ACVR1: variants seen among roughly 807,000 people sequenced by gnomAD.
ACVR1 encodes activin receptor type-1.
In ACVR1, 38 loss-of-function variants were observed where a neutral mutation model predicts 57.1. That is an observed-to-expected ratio of 0.67 (90% CI 0.51 to 0.87). The LOEUF is 0.87. ACVR1 is among the 40% of genes least tolerant of loss of function. The probability of loss-of-function intolerance (pLI) is 0.00; values close to 1 mark genes in which losing one functional copy is unlikely to be tolerated. For synonymous variants in ACVR1, 212 were observed against 228.1 expected (o/e 0.93, Z 0.63); for missense variants, 463 against 638.2 (o/e 0.73, Z 2.96).
rs1233626224 is a variant in ACVR1 at position 157,855,269 on chromosome 2, AGTGTGTGTG to A, written c.-183+20518_-183+20526del. Reference sequence around the variant, plus strand: ...TCGTCTCTTAAAAAAAAAAAAAAAAAGTGTGTGTGTGTGTGTGTGTGTGTGTGTGTGTGT... The same window carrying A: ...TCGTCTCTTAAAAAAAAAAAAAAAAATGTGTGTGTGTGTGTGTGTGTGTGT... On this transcript the variant is annotated intron_variant, in intron 1 of 10. Transcript: ENST00000434821. Among the ~76,000 whole-genome samples, 28 of 85,182 alleles carry A rather than the reference AGTGTGTGTG, an allele frequency of 3.3e-4. No individual in the cohort carries two copies. In the South Asian group the frequency reaches 5.0e-3, roughly 15 times the overall value. 55.9% of individuals were successfully genotyped at this position (85,182 alleles called of 152,430 possible). A position where few individuals can be genotyped will look rare whatever the true frequency, so the allele number is the denominator to read the frequency against.
intron 5 of ACVR1, 67 bp from the exon 6 acceptor site, chr2:157,774,254 A>T: frequency 7.9e-7 from 1 of 1,270,920 alleles, no homozygotes; most frequent in Non-Finnish European, 1.1e-6. Context: ...GAGTATTAGC[A>T]TGCATGACAT....
At chr2:157,867,369 C>CA (rs1347253281) in intron 1 of ACVR1, among the ~76,000 whole-genome samples, 1 of 152,244 alleles carries the variant, frequency 6.6e-6, no homozygotes, top group Non-Finnish European at 1.5e-5. Context: ...GCCAAGGCCT[C>CA]AAACTCATAC....
intron 5 of ACVR1, among the ~76,000 whole-genome samples, chr2:157,775,871 C>T (rs1253280420): frequency 6.6e-6 from 1 of 152,188 alleles, no homozygotes; most frequent in Non-Finnish European, 1.5e-5. Flanking sequence ...CTCTCAGATG[C>T]CAAGCCTTCT....
chr2:157,783,116 G>A (rs1022654604), intron 3 of ACVR1, among the ~76,000 whole-genome samples: 1 of 152,080 alleles, frequency 6.6e-6, no homozygotes, highest in African/African-American at 2.4e-5. Context: ...GGTCCTAAAC[G>A]GACAGTCCAG....
chr2:157,811,828 A>C (rs1344010223), intron 2 of ACVR1, among the ~76,000 whole-genome samples: 1 of 152,262 alleles, frequency 6.6e-6, no homozygotes, highest in Non-Finnish European at 1.5e-5. Context: ...GAATGGAAAT[A>C]GAATACAAAA....
chr2:157,742,418 C>T (rs1311765289), intron 9 of ACVR1, among the ~76,000 whole-genome samples: 3 of 152,126 alleles, frequency 2.0e-5, no homozygotes, highest in African/African-American at 2.4e-5. Context: ...AGCCAGGCCT[C>T]GCCTCCCATG....
At position 157,766,053 on chromosome 2, in the gene ACVR1, T is replaced by C; in HGVS notation, c.934A>G (p.Ile312Val). ...TGCAAATGTGCAAGACCACTAGCTA[T>C]GGACAGCACTATTCGAAGGCAGCTA... is the stretch of plus-strand genomic sequence containing the variant. ...TVSCLRIVLS[I>V]ASGLAHLHIE... is the part of the protein sequence containing the mutation. Residue 312 changes from isoleucine (I) to valine (V), a missense_variant, in exon 8 of 11, where the codon ATA becomes GTA. By Grantham distance (29) the Ile-to-Val change is conservative. Coordinates refer to ENST00000434821, the MANE Select transcript of ACVR1 (RefSeq NM_001111067.4). The C allele has an allele frequency of 6.2e-7, 1 of 1,614,180 alleles. No homozygotes were observed. Among genetic ancestry groups the C allele is most frequent in the South Asian group, 1.1e-5 (1 of 91,078 alleles).
intron 1 of ACVR1, among the ~76,000 whole-genome samples, chr2:157,852,962 G>A (rs1689373853): frequency 1.3e-5 from 2 of 152,166 alleles, no homozygotes; most frequent in Non-Finnish European, 1.5e-5. Flanking sequence ...GGTAGGATGT[G>A]GAGATGTTCA....
intron 1 of ACVR1, among the ~76,000 whole-genome samples, chr2:157,856,207 C>A (rs961751844): frequency 2.0e-5 from 3 of 152,116 alleles, no homozygotes; most frequent in African/African-American, 7.2e-5. Flanking sequence ...TTCAGTTCCC[C>A]CACTAAGATA....
chr2:157,792,108 A>T (rs931365985), intron 3 of ACVR1, among the ~76,000 whole-genome samples: 3 of 152,062 alleles, frequency 2.0e-5, no homozygotes, highest in African/African-American at 7.2e-5. Context: ...CAATCCCCCA[A>T]ATCACCAATT....
At chr2:157,752,964 A>G (rs959033928) in intron 9 of ACVR1, among the ~76,000 whole-genome samples, 13 of 152,230 alleles carry the variant, frequency 8.5e-5, no homozygotes, top group Non-Finnish European at 2.9e-5. Flanking sequence ...TCATATCTCA[A>G]TACTAACCTT....
At chr2:157,751,972 C>T (rs1685215085) in intron 9 of ACVR1, among the ~76,000 whole-genome samples, 1 of 152,176 alleles carries the variant, frequency 6.6e-6, no homozygotes, top group Non-Finnish European at 1.5e-5. Context: ...CTCTTGAAAG[C>T]GCCACCTCCT....
intron 9 of ACVR1, among the ~76,000 whole-genome samples, chr2:157,752,425 C>G (rs990555625): frequency 6.6e-6 from 1 of 152,306 alleles, no homozygotes; most frequent in South Asian, 2.1e-4. Flanking sequence ...AAAAATCACA[C>G]TAGCTCACCC....
chr2:157,868,009 C>T (rs556083122), intron 1 of ACVR1, among the ~76,000 whole-genome samples: 2 of 152,230 alleles, frequency 1.3e-5, no homozygotes, highest in South Asian at 4.2e-4. Flanking sequence ...CATAATGTGC[C>T]TCTAAATCTC....
Position 157,774,237 on chromosome 2 carries a change from C to A in ACVR1, c.544-50G>T, listed in dbSNP as rs141357399. The A allele has an allele frequency of 1.6e-4, 227 of 1,454,298 alleles. No homozygotes were observed. The African/African-American group carries it at 2.7e-3, about 17-fold the overall frequency. 90.1% of individuals were successfully genotyped at this position (1,454,298 alleles called of 1,614,324 possible). On this transcript the variant is annotated intron_variant, in intron 5 of 10. Coordinates refer to ENST00000434821, the MANE Select transcript of ACVR1 (RefSeq NM_001111067.4). ...AGAAACGATTGAGCAATATAGCTCC[C>A]ACTTTGGAGTATTAGCATGCATGAC...
chr2:157,750,648 A>C (rs1322132883), intron 9 of ACVR1, among the ~76,000 whole-genome samples: 1 of 152,222 alleles, frequency 6.6e-6, no homozygotes, highest in Non-Finnish European at 1.5e-5. Flanking sequence ...AGGTTATACC[A>C]GATGTGCTGA....
chr2:157,765,861 C>A, intron 8 of ACVR1, 60 bp downstream of exon 8: 1 of 1,564,960 alleles, frequency 6.4e-7, no homozygotes, highest in Non-Finnish European at 8.8e-7. Context: ...AGATGCAACT[C>A]ACCTAACCAT....
intron 1 of ACVR1, among the ~76,000 whole-genome samples, chr2:157,840,746 C>A (rs774637419): frequency 3.3e-5 from 5 of 152,264 alleles, no homozygotes; most frequent in Non-Finnish European, 5.9e-5. Context: ...GCAGGGAGCA[C>A]CTGCTCTCCG....
chr2:157,816,230 GAA>G (rs1208697912), intron 2 of ACVR1, among the ~76,000 whole-genome samples: 4 of 152,120 alleles, frequency 2.6e-5, no homozygotes, highest in Non-Finnish European at 4.4e-5. Context: ...AGCCAAAGGT[GAA>G]AGAGAGAAGG....
Sources: gnomAD v4.1 joint callset for allele counts (sites outside exome capture counted in the v4.1 genomes callset) on GRCh38, gnomAD v4.1.1 for gene constraint, MANE v1.5 for transcripts, NCBI Gene and HGNC (gene_info 2026-07-23, HGNC 2026-07-21) for gene names.